The following FSTL5 variants were observed in gnomAD, a reference collection of about 807,000 sequenced individuals.
FSTL5 encodes follistatin like 5.
Under a neutral mutation model 89.1 loss-of-function variants are expected in FSTL5, and 62 were observed. The observed-to-expected ratio is 0.70, with a 90% CI of 0.57 to 0.86. The LOEUF (loss-of-function observed/expected upper bound fraction) is 0.86, where lower values mean the gene tolerates loss of function less well. FSTL5 is among the 40% of genes least tolerant of loss of function. FSTL5 has a pLI of 0.00. For missense variants in FSTL5, 1,057 were observed against 1,001.6 expected (o/e 1.06, Z -0.75); for synonymous variants, 383 against 346.2 (o/e 1.11, Z -1.18).
At chr4:161,518,982 T>G (rs144112115) in intron 10 of FSTL5, among the ~76,000 whole-genome samples, 1 of 152,102 alleles carries the variant, frequency 6.6e-6, no homozygotes, top group Non-Finnish European at 1.5e-5. Context: ...AGGTCTCAGT[T>G]TTTTATTCCC....
chr4:162,011,518 A>G (rs755051046), intron 3 of FSTL5, among the ~76,000 whole-genome samples: 12 of 151,770 alleles, frequency 7.9e-5, no homozygotes, highest in Non-Finnish European at 1.6e-4. Flanking sequence ...TTTGAGACAG[A>G]ATTTTGCTCT....
chr4:162,070,381 A>T lies in FSTL5; in HGVS notation c.127-36723T>A, dbSNP rs538222181. On this transcript the variant is annotated intron_variant, in intron 2 of 15. Coordinates refer to ENST00000306100, the MANE Select transcript of FSTL5 (RefSeq NM_020116.5). ...TAGTTTGATATAATATCTTTTGTCTATTTTTGTCTGTTCATCTGAAGTCTT... is the reference window on the plus strand; with the variant it reads ...TAGTTTGATATAATATCTTTTGTCTTTTTTTGTCTGTTCATCTGAAGTCTT... 1.7e-4 allele frequency among the ~76,000 whole-genome samples: 26 copies of T among 151,842 alleles called. No homozygotes were observed. The Admixed American group carries it at 1.7e-3, about 10-fold the overall frequency.
At chr4:161,578,209 T>C (rs1733301030) in intron 8 of FSTL5, among the ~76,000 whole-genome samples, 1 of 126,556 alleles carries the variant, frequency 7.9e-6, no homozygotes, top group African/African-American at 2.8e-5. Flanking sequence ...CCAGTATAAA[T>C]AGGTTTAAAG....
chr4:162,039,380 T>C (rs1737864036), intron 2 of FSTL5, among the ~76,000 whole-genome samples: 1 of 151,916 alleles, frequency 6.6e-6, no homozygotes, highest in Non-Finnish European at 1.5e-5. Flanking sequence ...AGTAAGACGA[T>C]GTTATTCTAG....
chr4:161,995,593 A>G (rs903494082), intron 3 of FSTL5, among the ~76,000 whole-genome samples: 1 of 152,160 alleles, frequency 6.6e-6, no homozygotes, highest in African/African-American at 2.4e-5. Context: ...CTAGGAATGC[A>G]ATAATTAGCA....
chr4:161,967,981 T>A (rs1469676745), intron 3 of FSTL5, among the ~76,000 whole-genome samples: 1 of 152,044 alleles, frequency 6.6e-6, no homozygotes, highest in Non-Finnish European at 1.5e-5. Context: ...CTTAAAGATA[T>A]TTCAAAAAGA....
intron 15 of FSTL5, among the ~76,000 whole-genome samples, chr4:161,416,642 A>G (rs1049132815): frequency 2.6e-5 from 4 of 152,132 alleles, no homozygotes; most frequent in Non-Finnish European, 5.9e-5. Flanking sequence ...CAGGAGATGG[A>G]GACCATCCTG....
intron 4 of FSTL5, among the ~76,000 whole-genome samples, chr4:161,899,182 GA>G (rs1292976741): frequency 1.3e-5 from 2 of 152,064 alleles, no homozygotes; most frequent in South Asian, 2.1e-4. Flanking sequence ...GAATTTGTTT[GA>G]AAAAGAAGTT....
At chr4:161,483,137 T>C (rs1317620211) in intron 12 of FSTL5, among the ~76,000 whole-genome samples, 5 of 152,202 alleles carry the variant, frequency 3.3e-5, no homozygotes, top group African/African-American at 7.2e-5. Flanking sequence ...TATTACACTT[T>C]CATTCACCAA....
intron 6 of FSTL5, among the ~76,000 whole-genome samples, chr4:161,729,769 T>A (rs566779662): frequency 2.0e-5 from 3 of 152,260 alleles, no homozygotes; most frequent in Admixed American, 1.3e-4. Context: ...AGGTGGGCAA[T>A]AACACTCGTT....
intron 6 of FSTL5, among the ~76,000 whole-genome samples, chr4:161,695,693 A>AT (rs1738132318): frequency 6.6e-6 from 1 of 151,508 alleles, no homozygotes; most frequent in African/African-American, 2.4e-5. Flanking sequence ...GTTTTGATTT[A>AT]TTTTCATTTC....
At chr4:161,839,810 T>C (rs1386977444) in intron 4 of FSTL5, among the ~76,000 whole-genome samples, 2 of 152,192 alleles carry the variant, frequency 1.3e-5, no homozygotes, top group African/African-American at 4.8e-5. Context: ...ATGCATTTGC[T>C]AAAATTCAAA....
rs143524200 is a variant in FSTL5 at position 161,598,520 on chromosome 4, C to T, written c.895-10945G>A. 5.7e-3 allele frequency among the ~76,000 whole-genome samples: 866 copies of T among 152,230 alleles called. 4 individuals carry two copies. Among genetic ancestry groups the T allele is most frequent in the Non-Finnish European group, 9.1e-3 (616 of 68,008 alleles). ...AAGAGAAAACAAAGATGATTTGCCT[C>T]TATCATATATCAAGACTCATCTACA... On this transcript the variant is annotated intron_variant, in intron 7 of 15. Coordinates refer to ENST00000306100, the MANE Select transcript of FSTL5 (RefSeq NM_020116.5).
intron 7 of FSTL5, among the ~76,000 whole-genome samples, chr4:161,611,743 T>G (rs1421235757): frequency 6.6e-6 from 1 of 152,106 alleles, no homozygotes; most frequent in East Asian, 1.9e-4. Flanking sequence ...GATGCAATGG[T>G]GATAAAAGGT....
At chr4:161,848,748 C>T (rs1192373768) in intron 4 of FSTL5, among the ~76,000 whole-genome samples, 1 of 152,168 alleles carries the variant, frequency 6.6e-6, no homozygotes, top group Admixed American at 6.6e-5. Flanking sequence ...GTCGCTGCCT[C>T]TACTTGGAAA....
At chr4:161,619,666 A>G (rs1163430690) in intron 7 of FSTL5, among the ~76,000 whole-genome samples, 1 of 152,064 alleles carries the variant, frequency 6.6e-6, no homozygotes, top group Non-Finnish European at 1.5e-5. Context: ...TTAGAATGGC[A>G]ATCATTAAAA....
At chr4:161,630,361 T>C (rs1457388181) in intron 7 of FSTL5, among the ~76,000 whole-genome samples, 1 of 152,178 alleles carries the variant, frequency 6.6e-6, no homozygotes, top group Non-Finnish European at 1.5e-5. Flanking sequence ...TGGTTTGTGT[T>C]TTCTATCAGC....
chr4:161,876,240 C>T (rs955719159), intron 4 of FSTL5, among the ~76,000 whole-genome samples: 1 of 152,058 alleles, frequency 6.6e-6, no homozygotes, highest in Admixed American at 6.5e-5. Flanking sequence ...TTTTAGGAAA[C>T]CTTTATCACT....
At chr4:161,795,068 TA>T (rs1340018760) in intron 4 of FSTL5, among the ~76,000 whole-genome samples, 3 of 151,988 alleles carry the variant, frequency 2.0e-5, no homozygotes, top group Admixed American at 2.0e-4. Context: ...ATTTTCTTAT[TA>T]AATATTTATT....
Sources: gnomAD v4.1 joint callset for allele counts (sites outside exome capture counted in the v4.1 genomes callset) on GRCh38, gnomAD v4.1.1 for gene constraint, MANE v1.5 for transcripts, NCBI Gene and HGNC (gene_info 2026-07-23, HGNC 2026-07-21) for gene names.